The following HARBI1 variants were observed in gnomAD, a reference collection of about 807,000 sequenced individuals.
The protein encoded by HARBI1 is putative nuclease HARBI1.
A neutral mutation model predicts 25.3 loss-of-function variants in HARBI1; 15 were observed. The observed-to-expected ratio is 0.59, with a 90% confidence interval of 0.40 to 0.91. The LOEUF (loss-of-function observed/expected upper bound fraction) is 0.91, where lower values mean the gene tolerates loss of function less well. HARBI1 is among the 40% of genes least tolerant of loss of function. The probability of loss-of-function intolerance (pLI) is 0.00; values close to 1 mark genes in which losing one functional copy is unlikely to be tolerated. For synonymous variants in HARBI1, 168 were observed against 160.5 expected (o/e 1.05, Z -0.35); for missense variants, 396 against 445.8 (o/e 0.89, Z 1.01).
At chr11:46,608,415 A>G (rs1591241599) in intron 2 of HARBI1, among the ~76,000 whole-genome samples, 1 of 152,256 alleles carries the variant, frequency 6.6e-6, no homozygotes, top group East Asian at 1.9e-4. Flanking sequence ...CACTGTCCAC[A>G]CAACCTTTAG....
chr11:46,615,647 T>C lies in HARBI1; in HGVS notation c.591A>G (p.Leu197=), dbSNP rs748471285. 5 of 1,614,116 alleles carry C rather than the reference T, an allele frequency of 3.1e-6. No homozygotes were observed. The highest frequency in any genetic ancestry group is 3.4e-6 in the Non-Finnish European group (4 of 1,180,034). ...ACTGCTGCAGCACAGCACAGTCCTG[T>C]AGGCTGCCGGGCCAGTTTGTCTCCA... is the stretch of plus-strand genomic sequence containing the variant. ...MTVETNWPGS[L]QDCAVLQQSS... Residue 197 remains leucine, a synonymous_variant, in exon 2 of 3, where the codon CTA becomes CTG. Transcript: ENST00000326737.
intron 2 of HARBI1, among the ~76,000 whole-genome samples, chr11:46,607,170 G>C (rs1200820834): frequency 1.4e-5 from 2 of 146,226 alleles, no homozygotes; most frequent in Admixed American, 1.4e-4. Flanking sequence ...GGCTGAGGTA[G>C]AAAACTGTTT....
chr11:46,611,250 G>A (rs918773985), intron 2 of HARBI1, among the ~76,000 whole-genome samples: 2 of 151,954 alleles, frequency 1.3e-5, no homozygotes, highest in East Asian at 1.9e-4. Flanking sequence ...CTCGTGATCC[G>A]CCCACCTCGG....
At chr11:46,604,772 T>A in intron 2 of HARBI1, 1 of 858,764 alleles carries the variant, frequency 1.2e-6, no homozygotes, top group Non-Finnish European at 1.4e-6. Flanking sequence ...CATGCCTTTG[T>A]AAGAGGAAGA....
chr11:46,604,690 A>G (rs2044870512), intron 2 of HARBI1: 13 of 985,258 alleles, frequency 1.3e-5, no homozygotes, highest in Admixed American at 6.2e-5. Context: ...GAATAAGATA[A>G]AAGTCCGAGC....
At chr11:46,605,512 A>G (rs999561290) in intron 2 of HARBI1, among the ~76,000 whole-genome samples, 1 of 151,632 alleles carries the variant, frequency 6.6e-6, no homozygotes, top group African/African-American at 2.4e-5. Context: ...TTCTGGATTA[A>G]CTGTAAATAT....
intron 2 of HARBI1, among the ~76,000 whole-genome samples, chr11:46,611,729 G>T (rs570810897): frequency 7.0e-4 from 106 of 151,730 alleles, no homozygotes; most frequent in African/African-American, 2.5e-3. Flanking sequence ...AAAAAAGGTG[G>T]GGGGAACCAA....
chr11:46,616,611 T>C, intron 1 of HARBI1: 1 of 1,020,728 alleles, frequency 9.8e-7, no homozygotes, highest in Non-Finnish European at 1.2e-6. Context: ...GCATTTCAAT[T>C]GAGAACACCA....
intron 2 of HARBI1, among the ~76,000 whole-genome samples, chr11:46,611,799 A>T (rs1025891533): frequency 1.2e-4 from 18 of 152,132 alleles, no homozygotes; most frequent in African/African-American, 3.9e-4. Flanking sequence ...CTACAGAAGA[A>T]ATGGCCAGAT....
chr11:46,616,202 G>T lies in HARBI1; in HGVS notation c.36C>A (p.Leu12=), dbSNP rs752259058. 6 of 1,611,954 alleles carry T rather than the reference G, an allele frequency of 3.7e-6. No individual in the cohort carries two copies. In the Admixed American group the frequency reaches 8.3e-5, roughly 22 times the overall value. The change falls in exon 2 of 3, where the codon CTC becomes CTA. Residue 12 remains leucine, a synonymous_variant. Coordinates refer to ENST00000326737, the MANE Select transcript of HARBI1 (RefSeq NM_173811.4). ...TCCGGTGACCACGGCCATATAGCAAGAGGTCACAGTCAAGCACTGTTATTG... is the reference window on the plus strand; with the variant it reads ...TCCGGTGACCACGGCCATATAGCAATAGGTCACAGTCAAGCACTGTTATTG... ...AIPITVLDCD[L]LLYGRGHRTL... is the part of the protein sequence containing the mutation.
At chr11:46,610,601 A>C (rs1033536412) in intron 2 of HARBI1, among the ~76,000 whole-genome samples, 8 of 152,064 alleles carry the variant, frequency 5.3e-5, no homozygotes. Context: ...CGGAGCTTGC[A>C]GTGAGCCGAG....
chr11:46,607,911 C>CAAA (rs201193777), intron 2 of HARBI1, among the ~76,000 whole-genome samples: 4 of 74,892 alleles, frequency 5.3e-5, no homozygotes, highest in African/African-American at 1.7e-4. Context: ...AAAAATAATG[C>CAAA]AAAAAAAAAA....
chr11:46,616,568 G>T, intron 1 of HARBI1, 187 bp from the exon 2 acceptor site: 1 of 1,065,560 alleles, frequency 9.4e-7, no homozygotes, highest in Non-Finnish European at 1.1e-6. Flanking sequence ...AAGGATAATG[G>T]GAATTCAATC....
At chr11:46,605,912 A>G (rs961393063) in intron 2 of HARBI1, among the ~76,000 whole-genome samples, 3 of 150,722 alleles carry the variant, frequency 2.0e-5, no homozygotes, top group African/African-American at 4.9e-5. Flanking sequence ...TGTTTTTTTG[A>G]GAGTCTCACT....
intron 1 of HARBI1, chr11:46,616,841 A>AC (rs2045538943): frequency 1.3e-6 from 1 of 764,332 alleles, no homozygotes; most frequent in African/African-American, 2.0e-5. Flanking sequence ...CAAAAAAAAA[A>AC]AAAAAAAAAA....
At chr11:46,605,186 A>G (rs2044891123) in intron 2 of HARBI1, among the ~76,000 whole-genome samples, 1 of 152,150 alleles carries the variant, frequency 6.6e-6, no homozygotes, top group African/African-American at 2.4e-5. Flanking sequence ...CACTGTTCCC[A>G]ACATACAGGG....
chr11:46,614,633 G>A (rs975410721), intron 2 of HARBI1, among the ~76,000 whole-genome samples: 1 of 152,206 alleles, frequency 6.6e-6, no homozygotes, highest in African/African-American at 2.4e-5. Flanking sequence ...TGGAGACAGG[G>A]TCTTGCTATC....
upstream of HARBI1, chr11:46,617,662 G>A (rs2045733682): frequency 2.6e-6 from 1 of 386,666 alleles, no homozygotes; most frequent in African/African-American, 2.1e-5. Context: ...GGGAAGCACT[G>A]AAGAGCGCCA....
At chr11:46,610,739 G>C (rs2045148349) in intron 2 of HARBI1, among the ~76,000 whole-genome samples, 1 of 152,156 alleles carries the variant, frequency 6.6e-6, no homozygotes. Context: ...TCTGTAGAGA[G>C]GGGCATCAGA....
Sources: allele counts gnomAD v4.1 joint callset (sites outside exome capture counted in the v4.1 genomes callset), GRCh38; gene constraint gnomAD v4.1.1; transcripts MANE v1.5; gene names NCBI Gene and HGNC (gene_info 2026-07-23, HGNC 2026-07-21).